ARHGEF18: variants seen among roughly 807,000 people sequenced by gnomAD.
ARHGEF18 encodes rho guanine nucleotide exchange factor 18.
Under a neutral mutation model 155.7 loss-of-function variants are expected in ARHGEF18, and 93 were observed. The observed-to-expected ratio is 0.60, with a 90% CI of 0.50 to 0.71. The LOEUF (loss-of-function observed/expected upper bound fraction) is 0.71, where lower values mean the gene tolerates loss of function less well. ARHGEF18 is among the 30% of genes least tolerant of loss of function. The pLI is 0.00. For synonymous variants in ARHGEF18, 742 were observed against 753.1 expected (o/e 0.99, Z 0.24); for missense variants, 1,593 against 1,816.1 (o/e 0.88, Z 2.23).
intron 16 of ARHGEF18, 134 bp downstream of exon 16, chr19:7,451,400 C>G (rs1975456888): frequency 1.7e-6 from 1 of 601,006 alleles, no homozygotes; most frequent in Non-Finnish European, 2.7e-6. Flanking sequence ...GCTGGGGTTC[C>G]TTCCTTTTTT....
At chr19:7,419,967 C>T (rs1156386112) in intron 10 of ARHGEF18, among the ~76,000 whole-genome samples, 1 of 113,344 alleles carries the variant, frequency 8.8e-6, no homozygotes, top group East Asian at 3.3e-4. Context: ...GGCCCTCATA[C>T]CCCAGGTGCG....
intron 1 of ARHGEF18, among the ~76,000 whole-genome samples, chr19:7,357,596 C>G (rs1305750957): frequency 1.3e-5 from 2 of 152,154 alleles, no homozygotes; most frequent in African/African-American, 2.4e-5. Flanking sequence ...CCTCATTTCT[C>G]CTCTGGCTTA....
intron 2 of ARHGEF18, among the ~76,000 whole-genome samples, chr19:7,366,906 G>A (rs552172654): frequency 6.6e-6 from 1 of 151,346 alleles, no homozygotes; most frequent in Non-Finnish European, 1.5e-5. Context: ...GGGACTACAG[G>A]TGCACGCCAC....
chr19:7,460,125 C>A, intron 20 of ARHGEF18, 131 bp downstream of exon 20: 1 of 857,146 alleles, frequency 1.2e-6, no homozygotes, highest in Non-Finnish European at 1.8e-6. Context: ...CCATGTCCTG[C>A]AGCTCTGTGA....
At chr19:7,416,380 G>C (rs535032211) in intron 10 of ARHGEF18, among the ~76,000 whole-genome samples, 15 of 152,126 alleles carry the variant, frequency 9.9e-5, no homozygotes, top group East Asian at 9.7e-4. Flanking sequence ...CGCCACTGCA[G>C]TCCAGCCTGG....
intron 18 of ARHGEF18, among the ~76,000 whole-genome samples, chr19:7,456,891 C>T (rs779281507): frequency 2.6e-5 from 4 of 152,080 alleles, no homozygotes; most frequent in East Asian, 1.9e-4. Context: ...CCCGCCACCA[C>T]GCCTGGCTAA....
chr19:7,477,386 T>C, downstream of ARHGEF18: 2 of 1,544,212 alleles, frequency 1.3e-6, no homozygotes, highest in Admixed American at 2.0e-5. Context: ...TGACAGCGCC[T>C]CCGACTGCAT....
chr19:7,453,822 G>A lies in ARHGEF18; in HGVS notation c.2104+107G>A, dbSNP rs185977614. ...AGATTAGTGGCACCATCTTGTATCA[G>A]TGGGTACCATCTTGGAGAGGTGGTC... On this transcript the variant is annotated intron_variant, in intron 17 of 28. Coordinates refer to ENST00000668164, the MANE Select transcript of ARHGEF18 (RefSeq NM_001367823.1). 3.5e-4 allele frequency: 490 copies of A among 1,387,500 alleles called. 1 individual carries two copies. In the East Asian group the frequency reaches 7.4e-3, roughly 21 times the overall value. The allele number at this position is 1,387,500 out of a possible 1,614,324, so 85.9% of individuals were successfully genotyped here. A position where few individuals can be genotyped will look rare whatever the true frequency, so the allele number is the denominator to read the frequency against.
chr19:7,423,373 G>A (rs1357742422), intron 10 of ARHGEF18, among the ~76,000 whole-genome samples: 1 of 152,012 alleles, frequency 6.6e-6, no homozygotes. Flanking sequence ...TATTACTTCT[G>A]CACAGATGAC....
chr19:7,358,727 T>C (rs1364387124), intron 1 of ARHGEF18, among the ~76,000 whole-genome samples: 1 of 152,170 alleles, frequency 6.6e-6, no homozygotes, highest in Admixed American at 6.5e-5. Flanking sequence ...TCATACCAGA[T>C]TGGTATGGCC....
chr19:7,416,530 C>CGTGTGTGT (rs71179108), intron 10 of ARHGEF18, among the ~76,000 whole-genome samples: 2,944 of 105,846 alleles, frequency 0.028, 86 homozygotes, highest in Non-Finnish European at 0.036. Context: ...GGAGAAAATT[C>CGTGTGTGT]GTGTGTGTGT....
intron 2 of ARHGEF18, among the ~76,000 whole-genome samples, chr19:7,367,868 T>A (rs1307984114): frequency 3.6e-3 from 27 of 7,486 alleles, no homozygotes; most frequent in Non-Finnish European, 4.8e-3. Flanking sequence ...ACATATATAT[T>A]TTTATATATA....
chr19:7,473,900 T>G (rs770652734), downstream of ARHGEF18, among the ~76,000 whole-genome samples: 16 of 151,364 alleles, frequency 1.1e-4, no homozygotes, highest in Non-Finnish European at 2.2e-4. Flanking sequence ...GGAGGATTGC[T>G]TGAGCCTAGG....
At position 7,470,513 on chromosome 19, in the gene ARHGEF18, T is replaced by A; in HGVS notation, c.*215T>A. On this transcript the variant is annotated 3_prime_UTR_variant, in exon 29 of 29. Coordinates refer to ENST00000668164, the MANE Select transcript of ARHGEF18 (RefSeq NM_001367823.1). This position sits in a 1 kb window ranked among gnomAD's most constrained non-coding sequence, Gnocchi z 5.9. ...GGTGGTGCCGGGGTCACTTTCTGAA[T>A]CTCTTTTTTTTTTTTTCAAAAAGGA... 2.5e-6 allele frequency: 1 copy of A among 404,250 alleles called. No homozygotes were observed. The highest frequency in any genetic ancestry group is 4.2e-6 in the Non-Finnish European group (1 of 238,428). 25.0% of individuals were successfully genotyped at this position (404,250 alleles called of 1,614,324 possible). A position where few individuals can be genotyped will look rare whatever the true frequency, so the allele number is the denominator to read the frequency against.
At chr19:7,472,889 A>G (rs568679591), downstream of ARHGEF18, 1 of 438,564 alleles carries the variant, frequency 2.3e-6, no homozygotes, top group South Asian at 1.6e-5. Context: ...TTTAGTAGAC[A>G]TGGGGTTTCG....
At chr19:7,390,965 G>A (rs569796322) in intron 10 of ARHGEF18, among the ~76,000 whole-genome samples, 1 of 152,110 alleles carries the variant, frequency 6.6e-6, no homozygotes, top group South Asian at 2.1e-4. Context: ...ACTTGAACCC[G>A]GGAAGCAGAG....
chr19:7,435,602 C>G (rs982470890), intron 10 of ARHGEF18, among the ~76,000 whole-genome samples: 1 of 152,136 alleles, frequency 6.6e-6, no homozygotes, highest in African/African-American at 2.4e-5. Flanking sequence ...GGGGTCTGAG[C>G]TCTGCACTGG....
intron 27 of ARHGEF18, 130 bp from the exon 28 acceptor site, chr19:7,469,774 C>A: frequency 1.8e-6 from 2 of 1,124,228 alleles, no homozygotes; most frequent in Non-Finnish European, 2.5e-6. Context: ...CAGCTCAGGT[C>A]ACGGGATCCA....
downstream of ARHGEF18, among the ~76,000 whole-genome samples, chr19:7,475,333 A>T (rs181058051): frequency 2.2e-4 from 34 of 152,250 alleles, no homozygotes; most frequent in African/African-American, 8.2e-4. Flanking sequence ...GGGACAGAGT[A>T]GTGGTCACCA....
Sources: allele counts gnomAD v4.1 joint callset (sites outside exome capture counted in the v4.1 genomes callset), GRCh38; gene constraint gnomAD v4.1.1; non-coding constraint Gnocchi (gnomAD v3.1); transcripts MANE v1.5; gene names NCBI Gene and HGNC (gene_info 2026-07-23, HGNC 2026-07-21).